The following SPTBN1 variants were observed in gnomAD, a reference collection of about 807,000 sequenced individuals.
The protein encoded by SPTBN1 is spectrin beta, non-erythrocytic 1.
Under a neutral mutation model 266.4 loss-of-function variants are expected in SPTBN1, and 32 were observed. The ratio of observed to expected loss-of-function variants is 0.12; its 90% confidence interval spans 0.09 to 0.16. The LOEUF is 0.16. SPTBN1 is among the 10% of genes least tolerant of loss of function. The pLI, the probability that SPTBN1 is intolerant of heterozygous loss-of-function variation, is 1.00. For synonymous variants in SPTBN1, 1,336 were observed against 1,162.2 expected (o/e 1.15, Z -3.04); for missense variants, 2,296 against 3,067.1 (o/e 0.75, Z 5.94).
intron 18 of SPTBN1, 80 bp downstream of exon 18, chr2:54,637,883 G>A (rs1679257924): frequency 8.2e-7 from 1 of 1,214,346 alleles, no homozygotes; most frequent in Non-Finnish European, 1.2e-6. Flanking sequence ...AGAGCCTTTT[G>A]AATTATAAAA....
chr2:54,602,587 C>G (rs933986358), intron 3 of SPTBN1, among the ~76,000 whole-genome samples: 3 of 152,166 alleles, frequency 2.0e-5, no homozygotes, highest in African/African-American at 7.2e-5. Flanking sequence ...GTGAGGTTTT[C>G]CAAACAACTC....
At chr2:54,652,336 CA>C (rs1267440768) in intron 26 of SPTBN1, among the ~76,000 whole-genome samples, 1 of 152,148 alleles carries the variant, frequency 6.6e-6, no homozygotes, top group Non-Finnish European at 1.5e-5. Context: ...TTTGTTTTTA[CA>C]GAAGAAAAAT....
At chr2:54,485,616 A>G (rs917801069) in intron 1 of SPTBN1, among the ~76,000 whole-genome samples, 6 of 151,352 alleles carry the variant, frequency 4.0e-5, no homozygotes, top group Non-Finnish European at 8.8e-5. Context: ...CCGCCACCCC[A>G]TCTGGGAAGC....
chr2:54,528,891 A>G (rs1671013877), intron 2 of SPTBN1, among the ~76,000 whole-genome samples: 1 of 152,230 alleles, frequency 6.6e-6, no homozygotes, highest in Admixed American at 6.5e-5. Context: ...CAGGAATTGC[A>G]TTCAGTGAAT....
chr2:54,460,770 G>T (rs1693326338), intron 1 of SPTBN1, among the ~76,000 whole-genome samples: 1 of 150,514 alleles, frequency 6.6e-6, no homozygotes, highest in Non-Finnish European at 1.5e-5. Context: ...GATGCCGAGT[G>T]GGGGCGGATC....
chr2:54,630,900 C>T lies in SPTBN1; in HGVS notation c.2853C>T (p.Leu951=), dbSNP rs757177780. The change falls in exon 16 of 36, where the codon CTC becomes CTT. Residue 951 remains leucine (L), a synonymous_variant. Coordinates refer to ENST00000356805, the MANE Select transcript of SPTBN1 (RefSeq NM_003128.3). ...RELVDRKKDA[L]LSALSIQNYH... is the part of the protein sequence containing the mutation. The stretch of plus-strand genomic sequence containing the variant: ...TGGTTGACAGGAAGAAGGATGCCCT[C>T]CTGTCTGCCCTGAGCATCCAGAACT... The T allele has an allele frequency of 1.2e-6, 2 of 1,610,816 alleles. No individual in the cohort carries two copies. Among genetic ancestry groups the T allele is most frequent in the Non-Finnish European group, 1.7e-6 (2 of 1,178,248 alleles).
In SPTBN1 at chr2:54,664,419, G is replaced by A. The variant is rs374360037; in HGVS notation, c.6421-34G>A. On this transcript the variant is annotated intron_variant, in intron 32 of 35. Coordinates refer to ENST00000356805, the MANE Select transcript of SPTBN1 (RefSeq NM_003128.3). This position sits in a 1 kb window ranked among gnomAD's most constrained non-coding sequence, Gnocchi z 5.6. ...GTATGTGGTCACCCCCATGGCTCAC[G>A]GAGTTAGCTGAATGGCCTCTCCGCT... is the stretch of plus-strand genomic sequence containing the variant. 7.5e-6 allele frequency: 12 copies of A among 1,594,102 alleles called. No homozygotes were observed. In the South Asian group the frequency reaches 8.9e-5, roughly 12 times the overall value.
At chr2:54,546,307 G>A (rs1362988576) in intron 2 of SPTBN1, among the ~76,000 whole-genome samples, 1 of 152,152 alleles carries the variant, frequency 6.6e-6, no homozygotes, top group Non-Finnish European at 1.5e-5. Context: ...TTAGCTGGCT[G>A]GGCAAAGTCT....
intron 29 of SPTBN1, among the ~76,000 whole-genome samples, chr2:54,656,690 G>T (rs1010860215): frequency 3.9e-5 from 6 of 152,160 alleles, no homozygotes; most frequent in Admixed American, 3.9e-4. Context: ...TGTTATGGGG[G>T]TTTACTAGAA....
In SPTBN1 at chr2:54,631,544, C is replaced by A; in HGVS notation, c.3497C>A (p.Ser1166Tyr). ...KMWENRQNLLSQSHAYQQFLR... is the reference protein window; with the variant it reads ...KMWENRQNLLYQSHAYQQFLR... ...TGGGAGAACAGACAAAATCTCCTAT[C>A]CCAGTCACATGCCTACCAGCAGTTC... Residue 1166 changes from serine (S) to tyrosine (Y), a missense_variant, in exon 16 of 36, where the codon TCC (serine) becomes TAC (tyrosine). Ser to Tyr is a moderately radical substitution (Grantham distance 144). Coordinates refer to ENST00000356805, the MANE Select transcript of SPTBN1 (RefSeq NM_003128.3). 2 of 1,614,202 alleles carry A rather than the reference C, an allele frequency of 1.2e-6. No homozygotes were observed. The highest frequency in any genetic ancestry group is 1.3e-5 in the African/African-American group (1 of 75,074).
chr2:54,473,936 A>G (rs1352852534), intron 1 of SPTBN1, among the ~76,000 whole-genome samples: 1 of 152,210 alleles, frequency 6.6e-6, no homozygotes, highest in Non-Finnish European at 1.5e-5. Flanking sequence ...TAAAAAATCT[A>G]TGGAATTTGC....
At position 54,645,975 on chromosome 2, in the gene SPTBN1, C is replaced by G; in HGVS notation, c.4542C>G (p.Gly1514=). Residue 1514 remains glycine, a synonymous_variant, in exon 22 of 36, where the codon GGC becomes GGG. Transcript: ENST00000356805. The surrounding 1 kb of genome is among the most constrained non-coding windows in gnomAD (Gnocchi z 4.3). ...CTTTGGCAACTTCCACGGATCATGGCCACAACCTCCAGACTGTGCAGCTGT... is the reference window on the plus strand; with the variant it reads ...CTTTGGCAACTTCCACGGATCATGGGCACAACCTCCAGACTGTGCAGCTGT... The part of the protein sequence containing the change: ...RMPLATSTDH[G]HNLQTVQLLI... 6.2e-7 allele frequency: 1 copy of G among 1,614,210 alleles called. No individual in the cohort carries two copies. The highest frequency in any genetic ancestry group is 8.5e-7 in the Non-Finnish European group (1 of 1,180,052).
chr2:54,530,353 C>CTTTTTTTTTTTTTT lies in SPTBN1; in HGVS notation c.148+3797_148+3810dup, dbSNP rs549491367. On this transcript the variant is annotated intron_variant, in intron 2 of 35. Transcript: ENST00000356805. Reference sequence around the variant, plus strand: ...TAGGTTATCTGTGAATTGTAAAAAACTTTTTTTTTTTTTTTTTTTTTTTGA... The same window carrying CTTTTTTTTTTTTTT: ...TAGGTTATCTGTGAATTGTAAAAAACTTTTTTTTTTTTTTTTTTTTTTTTTTTTTTTTTTTTTGA... 5.5e-3 allele frequency among the ~76,000 whole-genome samples: 404 copies of CTTTTTTTTTTTTTT among 73,898 alleles called. 82 individuals are homozygous for CTTTTTTTTTTTTTT. Among genetic ancestry groups the CTTTTTTTTTTTTTT allele is most frequent in the South Asian group, 8.1e-3 (13 of 1,596 alleles). The allele number at this position is 73,898 out of a possible 152,430, so 48.5% of individuals were successfully genotyped here. A position where few individuals can be genotyped will look rare whatever the true frequency, so the allele number is the denominator to read the frequency against.
intron 26 of SPTBN1, among the ~76,000 whole-genome samples, chr2:54,651,542 A>G (rs1487473756): frequency 6.6e-6 from 1 of 152,210 alleles, no homozygotes; most frequent in East Asian, 1.9e-4. Flanking sequence ...TTGAAGTGCC[A>G]CTGTCTCCAT....
intron 1 of SPTBN1, among the ~76,000 whole-genome samples, chr2:54,472,299 T>A (rs1429491158): frequency 6.6e-6 from 1 of 152,136 alleles, no homozygotes; most frequent in Non-Finnish European, 1.5e-5. Context: ...AGTGCTGGGA[T>A]TACAGGCATG....
At position 54,642,831 on chromosome 2, in the gene SPTBN1, C is replaced by T. The variant is rs930557846; in HGVS notation, c.3859-152C>T. On this transcript the variant is annotated intron_variant, in intron 18 of 35. Transcript: ENST00000356805. ...TCCATCTAATGGACACCTGTCATGA[C>T]GGGTCAGAGTTGTGAAGTTAAATAT... 25 of 883,188 alleles carry T rather than the reference C, an allele frequency of 2.8e-5. No individual in the cohort carries two copies. In the Admixed American group the frequency reaches 3.1e-4, roughly 11 times the overall value. The allele number at this position is 883,188 out of a possible 1,614,324, so 54.7% of individuals were successfully genotyped here.
At chr2:54,617,149 C>G (rs1677662031) in intron 5 of SPTBN1, among the ~76,000 whole-genome samples, 1 of 152,200 alleles carries the variant, frequency 6.6e-6, no homozygotes, top group Non-Finnish European at 1.5e-5. Flanking sequence ...TTACAAACTT[C>G]ATCCAATTAA....
chr2:54,566,275 G>A (rs573160465), intron 2 of SPTBN1, among the ~76,000 whole-genome samples: 6 of 146,902 alleles, frequency 4.1e-5, no homozygotes, highest in South Asian at 2.2e-4. Flanking sequence ...CGCAACGTCC[G>A]CCTCCGGGTT....
At chr2:54,465,583 G>A (rs930908005) in intron 1 of SPTBN1, among the ~76,000 whole-genome samples, 1 of 147,524 alleles carries the variant, frequency 6.8e-6, no homozygotes, top group Non-Finnish European at 1.5e-5. Flanking sequence ...AAATTCCTGT[G>A]CAATGTTATA....
Sources: allele counts gnomAD v4.1 joint callset (sites outside exome capture counted in the v4.1 genomes callset), GRCh38; gene constraint gnomAD v4.1.1; non-coding constraint Gnocchi (gnomAD v3.1); transcripts MANE v1.5; gene names NCBI Gene and HGNC (gene_info 2026-07-23, HGNC 2026-07-21).